The following PLCXD3 variants were observed in gnomAD, a reference collection of about 807,000 sequenced individuals.
The protein encoded by PLCXD3 is PI-PLC X domain-containing protein 3.
A neutral mutation model predicts 25.5 loss-of-function variants in PLCXD3; 19 were observed. The observed-to-expected ratio is 0.75, with a 90% CI of 0.52 to 1.09. The LOEUF (loss-of-function observed/expected upper bound fraction) is 1.09, where lower values mean the gene tolerates loss of function less well. PLCXD3 is among the 50% of genes least tolerant of loss of function. The pLI is 0.00. For missense variants in PLCXD3, 411 were observed against 388.1 expected (o/e 1.06, Z -0.50); for synonymous variants, 174 against 137.6 (o/e 1.26, Z -1.85).
chr5:41,482,262 A>G (rs1748429486), intron 1 of PLCXD3, among the ~76,000 whole-genome samples: 1 of 152,040 alleles, frequency 6.6e-6, no homozygotes. Context: ...GAACACACTC[A>G]CTGTTTAGTG....
chr5:41,329,189 T>C (rs1580302930), intron 2 of PLCXD3, among the ~76,000 whole-genome samples: 1 of 152,178 alleles, frequency 6.6e-6, no homozygotes, highest in African/African-American at 2.4e-5. Flanking sequence ...CGTCACTTGG[T>C]GTTAAAAGAG....
Position 41,440,028 on chromosome 5 carries a change from G to A in PLCXD3, c.104-57494C>T, listed in dbSNP as rs557398604. 3.3e-5 allele frequency among the ~76,000 whole-genome samples: 5 copies of A among 152,122 alleles called. No individual in the cohort carries two copies. In the South Asian group the frequency reaches 1.0e-3, roughly 32 times the overall value. On this transcript the variant is annotated intron_variant, in intron 1 of 2. Coordinates refer to ENST00000377801, the MANE Select transcript of PLCXD3 (RefSeq NM_001005473.3). ...GTCAGTTGGGACAATGATAGAAGAGGAAGGATTCGCACACAGGTGGAACAT... is the reference window on the plus strand; with the variant it reads ...GTCAGTTGGGACAATGATAGAAGAGAAAGGATTCGCACACAGGTGGAACAT...
chr5:41,458,602 C>T lies in PLCXD3; in HGVS notation c.103+51822G>A, dbSNP rs75466538. Among the ~76,000 whole-genome samples, 430 of 152,036 alleles carry T rather than the reference C, an allele frequency of 2.8e-3. 3 individuals carry two copies. The highest frequency in any genetic ancestry group is 9.3e-3 in the African/African-American group (386 of 41,516). On this transcript the variant is annotated intron_variant, in intron 1 of 2. Transcript: ENST00000377801. ...TGGGACCAAGTGGTGAACAAAACAG[C>T]GGATTTAAAGTGAGTGGCCAGGGCA...
chr5:41,387,274 G>A (rs1395241852), intron 1 of PLCXD3, among the ~76,000 whole-genome samples: 1 of 152,080 alleles, frequency 6.6e-6, no homozygotes, highest in Non-Finnish European at 1.5e-5. Flanking sequence ...CCTCAAAAGA[G>A]ATCGCAGTCT....
At chr5:41,405,468 G>A (rs536470654) in intron 1 of PLCXD3, among the ~76,000 whole-genome samples, 5 of 152,058 alleles carry the variant, frequency 3.3e-5, no homozygotes, top group Admixed American at 6.6e-5. Flanking sequence ...ATGTTATTAC[G>A]AACACTTGTT....
chr5:41,451,478 T>A (rs1354523947), intron 1 of PLCXD3, among the ~76,000 whole-genome samples: 2 of 151,996 alleles, frequency 1.3e-5, no homozygotes, highest in African/African-American at 4.8e-5. Context: ...AAGGCAACAC[T>A]CTAGCAGAAA....
At chr5:41,379,626 G>A (rs1012086736) in intron 2 of PLCXD3, among the ~76,000 whole-genome samples, 4 of 152,050 alleles carry the variant, frequency 2.6e-5, no homozygotes, top group Admixed American at 2.0e-4. Flanking sequence ...GTCAGGGGCT[G>A]TTATCCTAGG....
intron 2 of PLCXD3, among the ~76,000 whole-genome samples, chr5:41,372,294 TCTCTCACACACACA>T (rs1212292016): frequency 1.5e-5 from 2 of 133,254 alleles, no homozygotes; most frequent in South Asian, 2.2e-4. Flanking sequence ...TCTCTCTCTC[TCTCTCACACACACA>T]CACACACACA....
intron 1 of PLCXD3, among the ~76,000 whole-genome samples, chr5:41,478,644 A>T (rs559819093): frequency 1.3e-5 from 2 of 152,356 alleles, no homozygotes; most frequent in South Asian, 4.1e-4. Flanking sequence ...CAATCAACTT[A>T]GCTAAATCAC....
At chr5:41,345,891 T>C (rs1744288391) in intron 2 of PLCXD3, among the ~76,000 whole-genome samples, 1 of 149,080 alleles carries the variant, frequency 6.7e-6, no homozygotes, top group South Asian at 2.1e-4. Context: ...TTTTATTTTT[T>C]CTTTTTGAGA....
intron 2 of PLCXD3, among the ~76,000 whole-genome samples, chr5:41,327,795 T>G (rs1743676709): frequency 6.6e-6 from 1 of 152,168 alleles, no homozygotes; most frequent in Non-Finnish European, 1.5e-5. Flanking sequence ...ATCTTTCTTT[T>G]CATTAGATGT....
chr5:41,389,345 G>A (rs1745738128), intron 1 of PLCXD3, among the ~76,000 whole-genome samples: 1 of 152,152 alleles, frequency 6.6e-6, no homozygotes, highest in East Asian at 1.9e-4. Flanking sequence ...CTACTGGGAA[G>A]TAAGATTTAG....
intron 1 of PLCXD3, among the ~76,000 whole-genome samples, chr5:41,446,208 C>G (rs201332322): frequency 4.3e-5 from 3 of 70,114 alleles, no homozygotes; most frequent in African/African-American, 3.8e-5. Context: ...AAAAGAACAA[C>G]GAGAGAATAG....
intron 1 of PLCXD3, among the ~76,000 whole-genome samples, chr5:41,412,017 T>G (rs1342957846): frequency 6.6e-6 from 1 of 151,538 alleles, no homozygotes; most frequent in African/African-American, 2.4e-5. Context: ...TATGTATAGC[T>G]GCACCATTTA....
chr5:41,488,580 T>A (rs1262576826), intron 1 of PLCXD3, among the ~76,000 whole-genome samples: 1 of 144,146 alleles, frequency 6.9e-6, no homozygotes, highest in African/African-American at 2.7e-5. Context: ...CCACATCCTC[T>A]CCAGCACCTG....
intron 1 of PLCXD3, among the ~76,000 whole-genome samples, chr5:41,413,415 C>A (rs1460486033): frequency 6.6e-6 from 1 of 152,136 alleles, no homozygotes; most frequent in Non-Finnish European, 1.5e-5. Flanking sequence ...TGCAATGCAA[C>A]AGGAAATTTG....
intron 1 of PLCXD3, among the ~76,000 whole-genome samples, chr5:41,393,384 T>C (rs1745895478): frequency 6.6e-6 from 1 of 152,118 alleles, no homozygotes; most frequent in African/African-American, 2.4e-5. Context: ...TAGTGGAAAC[T>C]TCATGGGCCA....
At chr5:41,372,298 TCACACACACACACACACACACA>T (rs71608605) in intron 2 of PLCXD3, among the ~76,000 whole-genome samples, 12 of 110,712 alleles carry the variant, frequency 1.1e-4, no homozygotes, top group Admixed American at 6.6e-4. Flanking sequence ...TCTCTCTCTC[TCACACACACACACACACACACA>T]CACACACACA....
At chr5:41,440,842 C>T (rs113953453) in intron 1 of PLCXD3, among the ~76,000 whole-genome samples, 1 of 152,202 alleles carries the variant, frequency 6.6e-6, no homozygotes, top group Non-Finnish European at 1.5e-5. Context: ...TACCTTGTGG[C>T]CATTTTGTTT....
Sources: allele counts gnomAD v4.1 joint callset (sites outside exome capture counted in the v4.1 genomes callset), GRCh38; gene constraint gnomAD v4.1.1; transcripts MANE v1.5; gene names NCBI Gene and HGNC (gene_info 2026-07-23, HGNC 2026-07-21).